SPATA2: variants seen among roughly 807,000 people sequenced by gnomAD.
The protein encoded by SPATA2 is spermatogenesis associated 2, also known as spermatogenesis-associated protein 2.
A neutral mutation model predicts 35.4 loss-of-function variants in SPATA2; 8 were observed. That is an observed-to-expected ratio of 0.23 (90% CI 0.13 to 0.41). The LOEUF is 0.41. Among genes scored for constraint, SPATA2 ranks in the 10% least tolerant of loss-of-function variants. The pLI, the probability that SPATA2 is intolerant of heterozygous loss-of-function variation, is 1.00. For synonymous variants in SPATA2, 293 were observed against 300.9 expected, an observed-to-expected ratio of 0.97 and a Z score of 0.27; for missense variants, 650 against 698.7, an observed-to-expected ratio of 0.93 and a Z score of 0.79.
In SPATA2 at chr20:49,906,048, G is replaced by A. The variant is rs492702; in HGVS notation, c.1134C>T (p.Ser378=). 779,988 of 1,605,178 alleles carry A rather than the reference G, an allele frequency of 0.49. 198,091 individuals carry two copies. The highest frequency in any genetic ancestry group is 0.81 in the East Asian group (36,373 of 44,804). ...CGCAGCTTTGGCACTTGGAGAGGGC[G>A]GACTCTTTGGCAGGGGGCGAGCGCT... is the stretch of plus-strand genomic sequence containing the variant. ...YHKRSPPAKE[S]ALSKCQSCGL... is the part of the protein sequence containing the mutation. The change falls in exon 3 of 3, where the codon TCC becomes TCT. Residue 378 remains serine (S), a synonymous_variant. Transcript: ENST00000289431. This position sits in a 1 kb window ranked among gnomAD's most constrained non-coding sequence, Gnocchi z 8.2.
chr20:49,906,831 A>G lies in SPATA2; in HGVS notation c.351T>C (p.Pro117=), dbSNP rs2146829772. 2 of 1,610,090 alleles carry G rather than the reference A, an allele frequency of 1.2e-6. No individual in the cohort carries two copies. Among genetic ancestry groups the G allele is most frequent in the Non-Finnish European group, 1.7e-6 (2 of 1,177,002 alleles). The change falls in exon 3 of 3, where the codon CCT becomes CCC. Residue 117 remains proline (P), a synonymous_variant. Transcript: ENST00000289431. The surrounding 1 kb of genome is among the most constrained non-coding windows in gnomAD (Gnocchi z 8.2). The part of the protein sequence containing the change: ...EFRSIKTYTG[P]FVYYVKSTLL... ...ATGTCGACTTGACATAATAAACAAA[A>G]GGGCCCGTGTAGGTCTAGAAGGGAG... is the stretch of plus-strand genomic sequence containing the variant.
In SPATA2 at chr20:49,903,951, A is replaced by G. The variant is rs889982436; in HGVS notation, c.*1668T>C. On this transcript the variant is annotated 3_prime_UTR_variant, in exon 3 of 3. Transcript: ENST00000289431. Reference sequence around the variant, plus strand: ...TATATATATATATATATATATATATATTAAAAAGAGAGCCATAGAAGATTT... The same window carrying G: ...TATATATATATATATATATATATATGTTAAAAAGAGAGCCATAGAAGATTT... 1 of 124,322 alleles carries G rather than the reference A, an allele frequency of 8.0e-6. No homozygotes were observed. Among genetic ancestry groups the G allele is most frequent in the African/African-American group, 3.1e-5 (1 of 32,436 alleles). The allele number at this position is 124,322 out of a possible 1,614,324, so 7.7% of individuals were successfully genotyped here.
chr20:49,911,346 G>A (rs1245234770), intron 1 of SPATA2, among the ~76,000 whole-genome samples: 1 of 152,128 alleles, frequency 6.6e-6, no homozygotes, highest in Admixed American at 6.5e-5. Flanking sequence ...CACAGAGCCT[G>A]CCTGTGCTTG....
At position 49,905,647 on chromosome 20, in the gene SPATA2, G is replaced by A; in HGVS notation, c.1535C>T (p.Thr512Ile). 6 of 1,614,246 alleles carry A rather than the reference G, an allele frequency of 3.7e-6. No individual in the cohort carries two copies. Among genetic ancestry groups the A allele is most frequent in the Non-Finnish European group, 5.1e-6 (6 of 1,180,044 alleles). Residue 512 changes from threonine (T) to isoleucine (I), a missense_variant, in exon 3 of 3, where the codon ACC becomes ATC. Transcript: ENST00000289431. ...TCTGTACACGAGATGGGAGAGCTGG[G>A]TGGACTTGTAGTTCAGCTGGTTGTT... ...MPNNQLNYKS[T>I]QLSHLVYR
At chr20:49,907,666 G>A (rs778756134) in intron 2 of SPATA2, among the ~76,000 whole-genome samples, 1 of 151,808 alleles carries the variant, frequency 6.6e-6, no homozygotes, top group Non-Finnish European at 1.5e-5. Flanking sequence ...CATCCCCCGC[G>A]TGGTCTGATT....
At position 49,903,914 on chromosome 20, in the gene SPATA2, T is replaced by TATATAG. The variant is rs2090123338; in HGVS notation, c.*1704_*1705insCTATAT. The stretch of plus-strand genomic sequence containing the variant: ...GATCTACCAGATAGATATATATATA[T>TATATAG]ATATATATATATATATATATATATA... On this transcript the variant is annotated 3_prime_UTR_variant, in exon 3 of 3. Transcript: ENST00000289431. 1 of 30,834 alleles carries TATATAG rather than the reference T, an allele frequency of 3.2e-5. No homozygotes were observed. The highest frequency in any genetic ancestry group is 2.3e-3 in the East Asian group (1 of 434). The allele number at this position is 30,834 out of a possible 1,614,324, so 1.9% of individuals were successfully genotyped here.
At chr20:49,913,472 G>C (rs757627987) in intron 1 of SPATA2, 2 of 152,186 alleles carry the variant, frequency 1.3e-5, no homozygotes, top group Non-Finnish European at 2.9e-5. Flanking sequence ...ACTGAGGCTC[G>C]GAGAGGCCAA....
In SPATA2 at chr20:49,904,218, A is replaced by T. The variant is rs930081971; in HGVS notation, c.*1401T>A. 6.6e-6 allele frequency: 1 copy of T among 152,380 alleles called. No homozygotes were observed. The highest frequency in any genetic ancestry group is 1.5e-5 in the Non-Finnish European group (1 of 68,006). The allele number at this position is 152,380 out of a possible 1,614,324, so 9.4% of individuals were successfully genotyped here. A position where few individuals can be genotyped will look rare whatever the true frequency, so the allele number is the denominator to read the frequency against. ...CCCACTCCTGCTCTTGTACCCCCAC[A>T]AGGAAAATCCAGGGGTTGGTAATTC... is the stretch of plus-strand genomic sequence containing the variant. On this transcript the variant is annotated 3_prime_UTR_variant, in exon 3 of 3. Transcript: ENST00000289431.
chr20:49,911,762 C>T (rs2090183471), intron 1 of SPATA2, among the ~76,000 whole-genome samples: 1 of 152,174 alleles, frequency 6.6e-6, no homozygotes, highest in African/African-American at 2.4e-5. Context: ...TTTAGTTTCT[C>T]ATTGGTACCT....
rs879570309 is a variant in SPATA2, at chr20:49,903,904, T to TAGAG, written c.*1714_*1715insCTCT. 8.8e-5 allele frequency: 1 copy of TAGAG among 11,314 alleles called. No individual in the cohort carries two copies. The highest frequency in any genetic ancestry group is 1.8e-4 in the Non-Finnish European group (1 of 5,700). 0.7% of individuals were successfully genotyped at this position (11,314 alleles called of 1,614,324 possible). A position where few individuals can be genotyped will look rare whatever the true frequency, so the allele number is the denominator to read the frequency against. On this transcript the variant is annotated 3_prime_UTR_variant, in exon 3 of 3. Coordinates refer to ENST00000289431, the MANE Select transcript of SPATA2 (RefSeq NM_006038.4). ...ATCTACATGTGATCTACCAGATAGA[T>TAGAG]ATATATATATATATATATATATATA...
chr20:49,909,364 AG>A (rs1312195054), intron 1 of SPATA2, among the ~76,000 whole-genome samples: 1 of 152,012 alleles, frequency 6.6e-6, no homozygotes, highest in East Asian at 1.9e-4. Flanking sequence ...GAGACGCTAC[AG>A]GCAGCCCCAG....
rs2090135212 is a variant in SPATA2, at chr20:49,905,549, G to C, written c.*70C>G. 10 of 1,543,962 alleles carry C rather than the reference G, an allele frequency of 6.5e-6. No individual in the cohort carries two copies. The highest frequency in any genetic ancestry group is 8.0e-6 in the Non-Finnish European group (9 of 1,130,882). On this transcript the variant is annotated 3_prime_UTR_variant, in exon 3 of 3. Coordinates refer to ENST00000289431, the MANE Select transcript of SPATA2 (RefSeq NM_006038.4). ...CTCCGCCTCTGAGATCAATGCGTTA[G>C]TACTTCTTCACCGTGAAACCCGAAA...
At position 49,905,279 on chromosome 20, in the gene SPATA2, AG is replaced by A; in HGVS notation, c.*339del. The stretch of plus-strand genomic sequence containing the variant: ...GAGGGGTAGGTGCAGCGAGGGTCCC[AG>A]AGACAGAAATCCTCTTTAAAGGAAA... On this transcript the variant is annotated 3_prime_UTR_variant, in exon 3 of 3. Transcript: ENST00000289431. 3.6e-6 allele frequency: 1 copy of A among 275,388 alleles called. No individual in the cohort carries two copies. The highest frequency in any genetic ancestry group is 1.2e-3 in the Middle Eastern group (1 of 834). 17.1% of individuals were successfully genotyped at this position (275,388 alleles called of 1,614,324 possible). A position where few individuals can be genotyped will look rare whatever the true frequency, so the allele number is the denominator to read the frequency against.
chr20:49,914,376 CCT>C (rs1435038533), intron 1 of SPATA2, among the ~76,000 whole-genome samples: 1 of 152,092 alleles, frequency 6.6e-6, no homozygotes. Context: ...GAAGGCGCCC[CCT>C]CTCTGCACAG....
At position 49,905,534 on chromosome 20, in the gene SPATA2, G is replaced by C; in HGVS notation, c.*85C>G. On this transcript the variant is annotated 3_prime_UTR_variant, in exon 3 of 3. Transcript: ENST00000289431. ...TGGTCAAGTGCAGGCCTCCGCCTCTGAGATCAATGCGTTAGTACTTCTTCA... is the reference window on the plus strand; with the variant it reads ...TGGTCAAGTGCAGGCCTCCGCCTCTCAGATCAATGCGTTAGTACTTCTTCA... 1 of 1,484,322 alleles carries C rather than the reference G, an allele frequency of 6.7e-7. No homozygotes were observed. The highest frequency in any genetic ancestry group is 9.2e-7 in the Non-Finnish European group (1 of 1,087,186). 91.9% of individuals were successfully genotyped at this position (1,484,322 alleles called of 1,614,324 possible). A position where few individuals can be genotyped will look rare whatever the true frequency, so the allele number is the denominator to read the frequency against.
chr20:49,908,628 G>A (rs538451218), intron 1 of SPATA2, 36 bp from the exon 2 acceptor site: 8 of 735,340 alleles, frequency 1.1e-5, no homozygotes, highest in South Asian at 9.6e-5. Context: ...GTCATTCCTC[G>A]ATACGGTCGC....
Position 49,906,243 on chromosome 20 carries a change from T to C in SPATA2, c.939A>G (p.Pro313=), listed in dbSNP as rs757743980. The change falls in exon 3 of 3, where the codon CCA becomes CCG. Residue 313 remains proline (P), a synonymous_variant. Coordinates refer to ENST00000289431, the MANE Select transcript of SPATA2 (RefSeq NM_006038.4). The surrounding 1 kb of genome is among the most constrained non-coding windows in gnomAD (Gnocchi z 8.2). ...SSPHGSPDVL[P]PASPSNGPAL... is the part of the protein sequence containing the mutation. ...CCGGGCCGTTGCTGGGGGAGGCGGG[T>C]GGAAGCACATCCGGGCTGCCGTGGG... The C allele has an allele frequency of 2.6e-6, 4 of 1,567,322 alleles. No individual in the cohort carries two copies. The highest frequency in any genetic ancestry group is 1.8e-5 in the Admixed American group (1 of 56,142).
chr20:49,914,174 C>CA (rs1220156821), intron 1 of SPATA2, among the ~76,000 whole-genome samples: 1 of 152,014 alleles, frequency 6.6e-6, no homozygotes, highest in Non-Finnish European at 1.5e-5. Flanking sequence ...AAAAGCAAGT[C>CA]AATGGAAAAA....
At chr20:49,914,007 C>T (rs1268322089) in intron 1 of SPATA2, among the ~76,000 whole-genome samples, 1 of 145,138 alleles carries the variant, frequency 6.9e-6, no homozygotes, top group Non-Finnish European at 1.5e-5. Flanking sequence ...AGGATTGGAA[C>T]GCCAAGCCGT....
Sources: allele counts gnomAD v4.1 joint callset (sites outside exome capture counted in the v4.1 genomes callset), GRCh38; gene constraint gnomAD v4.1.1; non-coding constraint Gnocchi (gnomAD v3.1); transcripts MANE v1.5; gene names NCBI Gene and HGNC (gene_info 2026-07-23, HGNC 2026-07-21).